The following PPP1R10 variants were observed in gnomAD, a reference collection of about 807,000 sequenced individuals.
PPP1R10 encodes the protein serine/threonine-protein phosphatase 1 regulatory subunit 10.
Under a neutral mutation model 99.0 loss-of-function variants are expected in PPP1R10, and 15 were observed. The observed-to-expected ratio is 0.15, with a 90% CI of 0.10 to 0.23. The LOEUF (loss-of-function observed/expected upper bound fraction) is 0.23, where lower values mean the gene tolerates loss of function less well. Among genes scored for constraint, PPP1R10 ranks in the 10% least tolerant of loss-of-function variants. The probability of loss-of-function intolerance (pLI) is 1.00; values close to 1 mark genes in which losing one functional copy is unlikely to be tolerated. For synonymous variants in PPP1R10, 430 were observed against 449.5 expected (o/e 0.96, Z 0.55); for missense variants, 947 against 1,259.4 (o/e 0.75, Z 3.75).
In PPP1R10 at chr6:30,606,812, C is replaced by G. The variant is rs1260959956; in HGVS notation, c.427G>C (p.Val143Leu). ...TGGGTACTGCTCTGAGAGCGGATGA[C>G]AGCCATCCAGTCGCTGACAAGGACT... is the stretch of plus-strand genomic sequence containing the variant. ...ASVLVSDWMA[V>L]IRSQSSTQPA... The change falls in exon 7 of 20, where the codon GTC (valine) becomes CTC (leucine). Residue 143 changes from valine to leucine, a missense_variant. Around this residue, in one of 10 missense-constraint regions of PPP1R10, gnomAD observed 92 missense variants for 159.2 expected, o/e 0.58. Transcript: ENST00000376511. The surrounding 1 kb of genome is among the most constrained non-coding windows in gnomAD (Gnocchi z 6.3). 3 of 1,614,112 alleles carry G rather than the reference C, an allele frequency of 1.9e-6. No homozygotes were observed. Among genetic ancestry groups the G allele is most frequent in the Middle Eastern group, 1.6e-4 (1 of 6,062 alleles).
At position 30,602,686 on chromosome 6, in the gene PPP1R10, G is replaced by A; in HGVS notation, c.1963C>T (p.His655Tyr). ...CCCACTGGCCCACCAGGGCCTCCAT[G>A]GGGACCTGTAAGGGGACAAAAAAGA... ...PGPGGPMPGP[H>Y]GGPGGPVGPR... The change falls in exon 19 of 20, where the codon CAT becomes TAT. Residue 655 changes from histidine to tyrosine, a missense_variant. Coordinates refer to ENST00000376511, the MANE Select transcript of PPP1R10 (RefSeq NM_002714.4). This position sits in a 1 kb window ranked among gnomAD's most constrained non-coding sequence, Gnocchi z 6.7. The A allele has an allele frequency of 6.2e-7, 1 of 1,604,580 alleles. No homozygotes were observed. Among genetic ancestry groups the A allele is most frequent in the African/African-American group, 1.3e-5 (1 of 74,876 alleles).
chr6:30,602,987 C>T lies in PPP1R10; in HGVS notation c.1844-28G>A. 1.3e-6 allele frequency: 2 copies of T among 1,508,942 alleles called. No individual in the cohort carries two copies. Among genetic ancestry groups the T allele is most frequent in the Non-Finnish European group, 1.8e-6 (2 of 1,119,432 alleles). The allele number at this position is 1,508,942 out of a possible 1,614,324, so 93.5% of individuals were successfully genotyped here. ...GTTAATGAAAACAAGAGTAACACAG[C>T]ATGAGCACTCTAGAAGACTAGCATG... On this transcript the variant is annotated intron_variant, in intron 17 of 19. Transcript: ENST00000376511. The surrounding 1 kb of genome is among the most constrained non-coding windows in gnomAD (Gnocchi z 6.7).
chr6:30,604,788 G>A lies in PPP1R10; in HGVS notation c.955-53C>T. On this transcript the variant is annotated intron_variant, in intron 11 of 19. Coordinates refer to ENST00000376511, the MANE Select transcript of PPP1R10 (RefSeq NM_002714.4). The surrounding 1 kb of genome is among the most constrained non-coding windows in gnomAD (Gnocchi z 7.3). ...AACTGACTGGAAAGCCAAGGGCAAG[G>A]CAATTAGTCCAGGGTCCCAGGCACA... 6.2e-7 allele frequency: 1 copy of A among 1,609,718 alleles called. No homozygotes were observed. Among genetic ancestry groups the A allele is most frequent in the Non-Finnish European group, 8.5e-7 (1 of 1,177,720 alleles).
At chr6:30,603,356 G>T in intron 16 of PPP1R10, 71 bp from the exon 17 acceptor site, 4 of 1,580,602 alleles carry the variant, frequency 2.5e-6, no homozygotes, top group Middle Eastern at 1.7e-4. Flanking sequence ...TAGCGCCAAA[G>T]ATTAGGGGTA....
In PPP1R10 at chr6:30,609,120, A is replaced by C; in HGVS notation, c.151T>G (p.Leu51Val). ...GAACGGGTCTGCAGGAGAATGTTCA[A>C]GTAAGTGCATCGACTCACCATCTTT... ...ARKMVSRCTY[L>V]NILLQTRSPE... Residue 51 changes from leucine (L) to valine (V), a missense_variant, in exon 4 of 20, where the codon TTG becomes GTG. Coordinates refer to ENST00000376511, the MANE Select transcript of PPP1R10 (RefSeq NM_002714.4). The surrounding 1 kb of genome is among the most constrained non-coding windows in gnomAD (Gnocchi z 4.5). The C allele has an allele frequency of 6.2e-7, 1 of 1,613,726 alleles. No homozygotes were observed. Among genetic ancestry groups the C allele is most frequent in the East Asian group, 2.2e-5 (1 of 44,890 alleles).
chr6:30,602,998 T>C lies in PPP1R10; in HGVS notation c.1844-39A>G. On this transcript the variant is annotated intron_variant, in intron 17 of 19. Coordinates refer to ENST00000376511, the MANE Select transcript of PPP1R10 (RefSeq NM_002714.4). The surrounding 1 kb of genome is among the most constrained non-coding windows in gnomAD (Gnocchi z 6.7). Reference sequence around the variant, plus strand: ...CAAGAGTAACACAGCATGAGCACTCTAGAAGACTAGCATGATCTCCCATTT... The same window carrying C: ...CAAGAGTAACACAGCATGAGCACTCCAGAAGACTAGCATGATCTCCCATTT... 3.4e-6 allele frequency: 5 copies of C among 1,488,400 alleles called. No homozygotes were observed. The highest frequency in any genetic ancestry group is 4.5e-6 in the Non-Finnish European group (5 of 1,104,140). The allele number at this position is 1,488,400 out of a possible 1,614,324, so 92.2% of individuals were successfully genotyped here.
At position 30,608,746 on chromosome 6, in the gene PPP1R10, A is replaced by T. The variant is rs780818793; in HGVS notation, c.330+33T>A. The T allele has an allele frequency of 2.1e-5, 33 of 1,604,758 alleles. 1 individual carries two copies. In the African/African-American group the frequency reaches 4.0e-4, roughly 20 times the overall value. Reference sequence around the variant, plus strand: ...TTTCATCCATTAGACTAAACCAAAAAAGGAAGAATCAGGGTTTAAAGACTA... The same window carrying T: ...TTTCATCCATTAGACTAAACCAAAATAGGAAGAATCAGGGTTTAAAGACTA... On this transcript the variant is annotated intron_variant, in intron 5 of 19. Coordinates refer to ENST00000376511, the MANE Select transcript of PPP1R10 (RefSeq NM_002714.4).
Position 30,609,009 on chromosome 6 carries a change from A to T in PPP1R10, c.194+68T>A. 1 of 1,610,758 alleles carries T rather than the reference A, an allele frequency of 6.2e-7. No homozygotes were observed. The highest frequency in any genetic ancestry group is 8.5e-7 in the Non-Finnish European group (1 of 1,177,166). On this transcript the variant is annotated intron_variant, in intron 4 of 19. Coordinates refer to ENST00000376511, the MANE Select transcript of PPP1R10 (RefSeq NM_002714.4). This position sits in a 1 kb window ranked among gnomAD's most constrained non-coding sequence, Gnocchi z 4.5. ...CCAGTCTCCCATCAATGACCGAGGA[A>T]CCCCATGCCTCACCGCCCCATCTTT...
chr6:30,606,763 G>C lies in PPP1R10; in HGVS notation c.460+16C>G. 3.1e-6 allele frequency: 5 copies of C among 1,613,040 alleles called. No homozygotes were observed. Among genetic ancestry groups the C allele is most frequent in the Non-Finnish European group, 3.4e-6 (4 of 1,179,016 alleles). On this transcript the variant is annotated intron_variant, in intron 7 of 19. Coordinates refer to ENST00000376511, the MANE Select transcript of PPP1R10 (RefSeq NM_002714.4). This position sits in a 1 kb window ranked among gnomAD's most constrained non-coding sequence, Gnocchi z 6.3. The stretch of plus-strand genomic sequence containing the variant: ...GAAAGAAATAAATACAAAGGATAAA[G>C]GACTAAGGAGCTTACCAGCAGGCTG...
At position 30,609,967 on chromosome 6, in the gene PPP1R10, G is replaced by A. The variant is rs770799722; in HGVS notation, c.-11-12C>T. On this transcript the variant is annotated splice_polypyrimidine_tract_variant and intron_variant, in intron 2 of 19. Transcript: ENST00000376511. This position sits in a 1 kb window ranked among gnomAD's most constrained non-coding sequence, Gnocchi z 4.5. ...CATGATGGTGGTTTCTATGGTAAGA[G>A]GACAAAACAAACAAACCCACAGAAT... 5.4e-5 allele frequency: 86 copies of A among 1,582,916 alleles called. No individual in the cohort carries two copies. The highest frequency in any genetic ancestry group is 7.1e-5 in the Non-Finnish European group (82 of 1,151,778).
At chr6:30,608,753 A>C (rs745600771) in intron 5 of PPP1R10, 26 bp downstream of exon 5, 2 of 1,607,724 alleles carry the variant, frequency 1.2e-6, no homozygotes, top group African/African-American at 2.7e-5. Context: ...AAAAAGGAAG[A>C]ATCAGGGTTT....
At position 30,602,502 on chromosome 6, in the gene PPP1R10, G is replaced by A; in HGVS notation, c.2147C>T (p.Pro716Leu). The A allele has an allele frequency of 1.3e-6, 2 of 1,575,526 alleles. No individual in the cohort carries two copies. Among genetic ancestry groups the A allele is most frequent in the Non-Finnish European group, 1.7e-6 (2 of 1,158,790 alleles). The change falls in exon 19 of 20, where the codon CCT becomes CTT. Residue 716 changes from proline (P) to leucine (L), a missense_variant. Pro to Leu is a moderately conservative substitution (Grantham distance 98, BLOSUM62 -3). This residue lies in a region of PPP1R10 where 525 missense variants were observed against 578.8 expected (regional missense o/e 0.91). Transcript: ENST00000376511. This position sits in a 1 kb window ranked among gnomAD's most constrained non-coding sequence, Gnocchi z 6.7. ...GRGGRGGNEP[P>L]PPPPPFRGAR... ...GCCTCGGAATGGAGGAGGAGGAGGA[G>A]GAGGTTCGTTTCCTCCTCGGCCACC...
At position 30,609,937 on chromosome 6, in the gene PPP1R10, G is replaced by A; in HGVS notation, c.8C>T (p.Ser3Leu). 2 of 1,612,976 alleles carry A rather than the reference G, an allele frequency of 1.2e-6. No individual in the cohort carries two copies. The change falls in exon 3 of 20, where the codon TCG (serine) becomes TTG (leucine). Residue 3 changes from serine to leucine, a missense_variant. Physicochemically the swap from Ser to Leu is moderately radical, Grantham distance 145 (BLOSUM62 -2). Around this residue, in one of 10 missense-constraint regions of PPP1R10, gnomAD observed 82 missense variants for 117.3 expected, o/e 0.70. Transcript: ENST00000376511. This position sits in a 1 kb window ranked among gnomAD's most constrained non-coding sequence, Gnocchi z 4.5. MG[S>L]GPIDPKELLK... ...AAGTTCTTTGGGGTCTATGGGACCC[G>A]AACCCATGATGGTGGTTTCTATGGT...
Position 30,601,627 on chromosome 6 carries a change from GA to G in PPP1R10, c.2744del (p.Phe915SerfsTer2). ...CATAGCGGCAGTTGCCCTTCATCATGAAATGTCGGCAGACAGGGCGGTTTGA... is the reference window on the plus strand; with the variant it reads ...CATAGCGGCAGTTGCCCTTCATCATGAATGTCGGCAGACAGGGCGGTTTGA... Reference protein sequence around the residue: ...DMSNRPVCRHFMMKGNCRYEN... With the variant: ...DMSNRPVCRHXMMKGNCRYEN... On this transcript the variant is annotated frameshift_variant, in exon 20 of 20. Coordinates refer to ENST00000376511, the MANE Select transcript of PPP1R10 (RefSeq NM_002714.4). LOFTEE classifies it high-confidence loss of function. The G allele has an allele frequency of 6.2e-7, 1 of 1,614,114 alleles. No individual in the cohort carries two copies.
chr6:30,603,518 G>A lies in PPP1R10; in HGVS notation c.1721C>T (p.Pro574Leu), dbSNP rs775429804. ...TTGGACATTAATGCCTCCTCCTCCA[G>A]GGCCTTGGGGGCCCTTTCCAGCACC... ...SMGAGKGPQGPGGGGINVQEI... is the reference protein window; with the variant it reads ...SMGAGKGPQGLGGGGINVQEI... Residue 574 changes from proline (P) to leucine (L), a missense_variant, in exon 16 of 20, where the codon CCT becomes CTT. Transcript: ENST00000376511. 1 of 1,613,320 alleles carries A rather than the reference G, an allele frequency of 6.2e-7. No individual in the cohort carries two copies. Among genetic ancestry groups the A allele is most frequent in the South Asian group, 1.1e-5 (1 of 90,974 alleles).
In PPP1R10 at chr6:30,604,668, G is replaced by A. The variant is rs1438508168; in HGVS notation, c.1022C>T (p.Ala341Val). Residue 341 changes from alanine to valine, a missense_variant, in exon 12 of 20, where the codon GCA (alanine) becomes GTA (valine). Physicochemically the swap from Ala to Val is moderately conservative, Grantham distance 64. Coordinates refer to ENST00000376511, the MANE Select transcript of PPP1R10 (RefSeq NM_002714.4). The surrounding 1 kb of genome is among the most constrained non-coding windows in gnomAD (Gnocchi z 7.3). ...STAKPSSPEP[A>V]PPSEAMDADR... ...TGCGTCCATTGCCTCAGAAGGTGGT[G>A]CTGGTTCTGGGGAAGAAGGTTTGGC... is the stretch of plus-strand genomic sequence containing the variant. 2 of 1,613,166 alleles carry A rather than the reference G, an allele frequency of 1.2e-6. No homozygotes were observed. The highest frequency in any genetic ancestry group is 1.7e-6 in the Non-Finnish European group (2 of 1,180,046).
Position 30,604,281 on chromosome 6 carries a change from G to C in PPP1R10, c.1262-27C>G. 2 of 1,613,808 alleles carry C rather than the reference G, an allele frequency of 1.2e-6. No individual in the cohort carries two copies. Among genetic ancestry groups the C allele is most frequent in the Non-Finnish European group, 1.7e-6 (2 of 1,179,716 alleles). Reference sequence around the variant, plus strand: ...TGTCGGCAGGGGAAGAAAAGCAAGAGGGAAAGTAAGCACAACCAAGTCCTT... The same window carrying C: ...TGTCGGCAGGGGAAGAAAAGCAAGACGGAAAGTAAGCACAACCAAGTCCTT... On this transcript the variant is annotated intron_variant, in intron 13 of 19. Coordinates refer to ENST00000376511, the MANE Select transcript of PPP1R10 (RefSeq NM_002714.4). The surrounding 1 kb of genome is among the most constrained non-coding windows in gnomAD (Gnocchi z 7.3).
chr6:30,604,214 C>T lies in PPP1R10; in HGVS notation c.1302G>A (p.Lys434=). ...CATGTCGGTCTGACAGTATCTCTCG[C>T]TTAGCCGCCTCACCAAAGTCCTTGA... The part of the protein sequence containing the change: ...NKIKDFGEAA[K]REILSDRHAF... Residue 434 remains lysine (K), a synonymous_variant, in exon 14 of 20, where the codon AAG becomes AAA. Coordinates refer to ENST00000376511, the MANE Select transcript of PPP1R10 (RefSeq NM_002714.4). The surrounding 1 kb of genome is among the most constrained non-coding windows in gnomAD (Gnocchi z 7.3). The T allele has an allele frequency of 6.2e-7, 1 of 1,614,202 alleles. No individual in the cohort carries two copies. Among genetic ancestry groups the T allele is most frequent in the African/African-American group, 1.3e-5 (1 of 75,050 alleles).
At chr6:30,607,725 A>G (rs1804097036) in intron 6 of PPP1R10, 115 bp downstream of exon 6, 2 of 1,146,400 alleles carry the variant, frequency 1.7e-6, no homozygotes, top group African/African-American at 3.1e-5. Flanking sequence ...AAAAAAAGCA[A>G]GGTGAGGTAG....
Sources: gnomAD v4.1 joint callset for allele counts on GRCh38, gnomAD v4.1.1 for gene constraint, gnomAD v4.1.1 regional missense constraint, Gnocchi (gnomAD v3.1) non-coding constraint, MANE v1.5 for transcripts, NCBI Gene and HGNC (gene_info 2026-07-23, HGNC 2026-07-21) for gene names.